Variants in LRMDA observed in about 807,000 individuals in gnomAD.
The protein encoded by LRMDA is leucine-rich melanocyte differentiation-associated protein.
LRMDA carries 18 observed loss-of-function variants against 29.8 expected under a neutral mutation model. The observed-to-expected ratio is 0.60, with a 90% confidence interval of 0.42 to 0.90. The LOEUF (loss-of-function observed/expected upper bound fraction) is 0.90, where lower values mean the gene tolerates loss of function less well. LRMDA is among the 40% of genes least tolerant of loss of function. The pLI is 0.00. For synonymous variants in LRMDA, 125 were observed against 109.4 expected, an observed-to-expected ratio of 1.14 and a Z score of -0.89; for missense variants, 273 against 273.9, an observed-to-expected ratio of 1.00 and a Z score of 0.02.
At chr10:75,493,359 G>GTGTGTA (rs1845009821) in intron 2 of LRMDA, among the ~76,000 whole-genome samples, 1 of 149,554 alleles carries the variant, frequency 6.7e-6, no homozygotes, top group East Asian at 2.0e-4. Context: ...GTGTGTGTGT[G>GTGTGTA]TGTGTGTGTG....
chr10:76,090,069 C>G (rs1278594866), intron 5 of LRMDA, among the ~76,000 whole-genome samples: 1 of 152,136 alleles, frequency 6.6e-6, no homozygotes, highest in Non-Finnish European at 1.5e-5. Flanking sequence ...ATAAACTGAG[C>G]ACCAGGAGGA....
At chr10:76,334,639 G>A (rs1840945152) in intron 6 of LRMDA, among the ~76,000 whole-genome samples, 1 of 152,180 alleles carries the variant, frequency 6.6e-6, no homozygotes, top group Non-Finnish European at 1.5e-5. Context: ...CTGGTCTGGG[G>A]AGAGGGCTGT....
At chr10:76,153,289 G>A (rs1181493806) in intron 5 of LRMDA, among the ~76,000 whole-genome samples, 1 of 152,062 alleles carries the variant, frequency 6.6e-6, no homozygotes, top group Non-Finnish European at 1.5e-5. Context: ...TTTCTTGGTA[G>A]TATTTCTGAT....
intron 2 of LRMDA, among the ~76,000 whole-genome samples, chr10:75,808,512 C>CT (rs1160295820): frequency 6.6e-6 from 1 of 152,100 alleles, no homozygotes; most frequent in African/African-American, 2.4e-5. Flanking sequence ...GATGTTCACA[C>CT]TTTTTTTGTT....
chr10:76,163,534 A>T (rs138898501), intron 5 of LRMDA, among the ~76,000 whole-genome samples: 1 of 152,204 alleles, frequency 6.6e-6, no homozygotes, highest in Non-Finnish European at 1.5e-5. Context: ...GATGCTATAC[A>T]TAAAGCATTA....
chr10:75,921,641 T>C (rs570429172), intron 2 of LRMDA, among the ~76,000 whole-genome samples: 8 of 152,358 alleles, frequency 5.3e-5, no homozygotes, highest in Admixed American at 2.6e-4. Context: ...TGTGGGCATA[T>C]GTGCATGCAA....
intron 2 of LRMDA, among the ~76,000 whole-genome samples, chr10:75,903,567 C>A (rs1199177150): frequency 6.6e-6 from 1 of 152,178 alleles, no homozygotes; most frequent in Non-Finnish European, 1.5e-5. Flanking sequence ...ATTTCATTAT[C>A]ATTATTAATA....
intron 5 of LRMDA, among the ~76,000 whole-genome samples, chr10:76,110,968 A>C (rs1269951535): frequency 3.3e-5 from 5 of 150,566 alleles, no homozygotes; most frequent in Non-Finnish European, 5.9e-5. Context: ...CCTACCCCCT[A>C]CTCATCTACT....
At chr10:76,411,276 G>T (rs555331438) in intron 6 of LRMDA, among the ~76,000 whole-genome samples, 1 of 152,148 alleles carries the variant, frequency 6.6e-6, no homozygotes, top group Non-Finnish European at 1.5e-5. Context: ...TGCGTAAAGG[G>T]CACCTTCTTG....
At chr10:75,751,896 A>G (rs1842973656) in intron 2 of LRMDA, among the ~76,000 whole-genome samples, 2 of 152,162 alleles carry the variant, frequency 1.3e-5, no homozygotes, top group Admixed American at 1.3e-4. Context: ...AGAGGCAGGC[A>G]AGGCTTGGGC....
chr10:75,871,698 G>C (rs1845113808), intron 2 of LRMDA, among the ~76,000 whole-genome samples: 1 of 152,106 alleles, frequency 6.6e-6, no homozygotes, highest in African/African-American at 2.4e-5. Flanking sequence ...CTTCTGCCCA[G>C]ACATCTTCAG....
At chr10:75,721,978 A>G (rs1842573052) in intron 2 of LRMDA, among the ~76,000 whole-genome samples, 1 of 152,108 alleles carries the variant, frequency 6.6e-6, no homozygotes, top group Non-Finnish European at 1.5e-5. Flanking sequence ...AATGAACTTT[A>G]ATTTTTTGAC....
chr10:75,511,096 G>A (rs1466344945), intron 2 of LRMDA, among the ~76,000 whole-genome samples: 1 of 152,196 alleles, frequency 6.6e-6, no homozygotes, highest in African/African-American at 2.4e-5. Context: ...CGGGGGCTGA[G>A]GTGGGCAGAT....
Position 76,557,487 on chromosome 10 carries a change from A to G in LRMDA, c.*199A>G, listed in dbSNP as rs1843573298. 3.3e-6 allele frequency: 2 copies of G among 601,670 alleles called. No individual in the cohort carries two copies. The allele number at this position is 601,670 out of a possible 1,614,324, so 37.3% of individuals were successfully genotyped here. A position where few individuals can be genotyped will look rare whatever the true frequency, so the allele number is the denominator to read the frequency against. On this transcript the variant is annotated 3_prime_UTR_variant, in exon 7 of 7. Coordinates refer to ENST00000611255, the MANE Select transcript of LRMDA (RefSeq NM_001305581.2). ...CTTCTGCCTTAGACTGAGTGGTCAC[A>G]TAGAGATTGACATGATTGCCCTTAA... is the stretch of plus-strand genomic sequence containing the variant.
chr10:75,456,400 C>T (rs1181743942), intron 2 of LRMDA, among the ~76,000 whole-genome samples: 1 of 152,214 alleles, frequency 6.6e-6, no homozygotes, highest in African/African-American at 2.4e-5. Context: ...TCAGAAATTG[C>T]ATTTATTTTC....
intron 2 of LRMDA, among the ~76,000 whole-genome samples, chr10:75,608,108 G>GTATA (rs1158936668): frequency 9.4e-4 from 83 of 88,430 alleles, no homozygotes; most frequent in African/African-American, 3.3e-3. Flanking sequence ...ATTGTAGTGT[G>GTATA]TGTATATATA....
At chr10:76,354,561 GCTGCTTC>G (rs1462906341) in intron 6 of LRMDA, among the ~76,000 whole-genome samples, 4 of 152,154 alleles carry the variant, frequency 2.6e-5, no homozygotes, top group Non-Finnish European at 4.4e-5. Flanking sequence ...ACAGTAGCCA[GCTGCTTC>G]CTGGTCCTCT....
At chr10:75,806,782 T>C (rs572035417) in intron 2 of LRMDA, among the ~76,000 whole-genome samples, 3 of 149,580 alleles carry the variant, frequency 2.0e-5, no homozygotes, top group African/African-American at 4.9e-5. Flanking sequence ...TTAACCACAG[T>C]TGATTTATTT....
intron 2 of LRMDA, among the ~76,000 whole-genome samples, chr10:75,579,406 G>A (rs958714245): frequency 1.4e-4 from 21 of 152,110 alleles, no homozygotes; most frequent in Non-Finnish European, 2.9e-4. Flanking sequence ...CCAATAACAA[G>A]TTCTGAAATT....
Sources: allele counts gnomAD v4.1 joint callset (sites outside exome capture counted in the v4.1 genomes callset), GRCh38; gene constraint gnomAD v4.1.1; transcripts MANE v1.5; gene names NCBI Gene and HGNC (gene_info 2026-07-23, HGNC 2026-07-21).